PEX5L: variants seen among roughly 807,000 people sequenced by gnomAD.
PEX5L encodes PEX5-related protein.
Under a neutral mutation model 84.0 loss-of-function variants are expected in PEX5L, and 30 were observed. That is an observed-to-expected ratio of 0.36 (90% CI 0.27 to 0.48). The LOEUF (loss-of-function observed/expected upper bound fraction) is 0.48. Ranked by LOEUF, PEX5L falls within the 20% of genes least tolerant of loss-of-function variation. The probability of loss-of-function intolerance (pLI) is 0.99; values close to 1 mark genes in which losing one functional copy is unlikely to be tolerated. For synonymous variants in PEX5L, 270 were observed against 283.1 expected (o/e 0.95, Z 0.46); for missense variants, 533 against 754.6 (o/e 0.71, Z 3.44).
At chr3:179,946,032 G>C (rs1448265183) in intron 2 of PEX5L, among the ~76,000 whole-genome samples, 1 of 132,494 alleles carries the variant, frequency 7.5e-6, no homozygotes, top group Non-Finnish European at 1.6e-5. Context: ...TTTTTTTTTT[G>C]CATCTGAATG....
At chr3:179,942,048 A>C (rs1330996018) in intron 2 of PEX5L, among the ~76,000 whole-genome samples, 1 of 151,504 alleles carries the variant, frequency 6.6e-6, no homozygotes, top group Non-Finnish European at 1.5e-5. Context: ...AAGAAAAGAA[A>C]AGATTATCAG....
Position 179,799,534 on chromosome 3 carries a change from G to A in PEX5L, c.*2294C>T, listed in dbSNP as rs1718237730. On this transcript the variant is annotated 3_prime_UTR_variant, in exon 15 of 15. Transcript: ENST00000467460. ...AATTAATTATTTGACATTTATACTA[G>A]TTTCAGGCTTTAAATCCAGGCTGCA... is the stretch of plus-strand genomic sequence containing the variant. 1 of 152,150 alleles carries A rather than the reference G, an allele frequency of 6.6e-6. No individual in the cohort carries two copies. The highest frequency in any genetic ancestry group is 2.4e-5 in the African/African-American group (1 of 41,436). 9.4% of individuals were successfully genotyped at this position (152,150 alleles called of 1,614,324 possible).
At position 179,796,811 on chromosome 3, in the gene PEX5L, G is replaced by C. The variant is rs1312351818; in HGVS notation, c.*5017C>G. The stretch of plus-strand genomic sequence containing the variant: ...CACTCCCTAAATATCAGTGTTTTTA[G>C]ACCTGTTGATCAAGTCCAGTTTCTC... On this transcript the variant is annotated 3_prime_UTR_variant, in exon 15 of 15. Transcript: ENST00000467460. The C allele has an allele frequency of 6.6e-6, 1 of 152,104 alleles. No individual in the cohort carries two copies. The highest frequency in any genetic ancestry group is 2.4e-5 in the African/African-American group (1 of 41,402). 9.4% of individuals were successfully genotyped at this position (152,104 alleles called of 1,614,324 possible). A position where few individuals can be genotyped will look rare whatever the true frequency, so the allele number is the denominator to read the frequency against.
chr3:179,973,385 T>A (rs750682473), intron 1 of PEX5L: 54 of 1,112,664 alleles, frequency 4.9e-5, no homozygotes, highest in Non-Finnish European at 5.6e-5. Context: ...TTGTCTTGAC[T>A]TTGTAAACAT....
intron 1 of PEX5L, among the ~76,000 whole-genome samples, chr3:179,978,027 C>G (rs540025585): frequency 3.3e-5 from 5 of 152,178 alleles, no homozygotes; most frequent in Admixed American, 6.5e-5. Context: ...ATAAGGACAA[C>G]AAGTATGTTG....
At chr3:179,974,162 C>A in intron 1 of PEX5L, 1 of 985,498 alleles carries the variant, frequency 1.0e-6, no homozygotes. Flanking sequence ...TTTTGTCAAG[C>A]ACAAAAAGCA....
intron 2 of PEX5L, among the ~76,000 whole-genome samples, chr3:179,933,202 T>C (rs1426908768): frequency 5.3e-5 from 8 of 152,130 alleles, no homozygotes; most frequent in Admixed American, 3.9e-4. Context: ...TTAGCACTGA[T>C]GGCTGCTCTG....
intron 8 of PEX5L, 34 bp downstream of exon 8, chr3:179,859,028 T>C: frequency 2.1e-6 from 3 of 1,400,264 alleles, no homozygotes; most frequent in South Asian, 1.2e-5. Context: ...CTCAGGAGCA[T>C]GAAACAGAAA....
chr3:179,896,129 T>G (rs1560587132), intron 3 of PEX5L: 4 of 152,170 alleles, frequency 2.6e-5, no homozygotes. Context: ...TTTTGGTTTG[T>G]GCATGCCACT....
chr3:179,877,846 A>G (rs951355588), intron 5 of PEX5L, among the ~76,000 whole-genome samples: 3 of 151,980 alleles, frequency 2.0e-5, no homozygotes, highest in Non-Finnish European at 4.4e-5. Flanking sequence ...GAAATAGTAG[A>G]GATAGTTATA....
At chr3:179,813,976 A>AT (rs71182520) in intron 10 of PEX5L, among the ~76,000 whole-genome samples, 10,464 of 132,082 alleles carry the variant, frequency 0.079, 443 homozygotes, top group Non-Finnish European at 0.098. Flanking sequence ...GCGCCCGGCC[A>AT]TTTTTTTTTT....
rs113358243 is a variant in PEX5L at position 179,943,704 on chromosome 3, C to T, written c.93+27890G>A. 4.7e-3 allele frequency among the ~76,000 whole-genome samples: 714 copies of T among 152,216 alleles called. 14 individuals carry two copies. Among genetic ancestry groups the T allele is most frequent in the African/African-American group, 0.016 (673 of 41,518 alleles). On this transcript the variant is annotated intron_variant, in intron 2 of 14. Transcript: ENST00000467460. ...CACTAAGCACGTGACATCTGTGGCCCGCTGCTGTCATTATATATGAGAGAG... is the reference window on the plus strand; with the variant it reads ...CACTAAGCACGTGACATCTGTGGCCTGCTGCTGTCATTATATATGAGAGAG...
intron 8 of PEX5L, among the ~76,000 whole-genome samples, chr3:179,843,919 A>G (rs1156996096): frequency 6.6e-6 from 1 of 152,214 alleles, no homozygotes; most frequent in Non-Finnish European, 1.5e-5. Flanking sequence ...AAATGGGTTC[A>G]GGATGGATTA....
intron 1 of PEX5L, among the ~76,000 whole-genome samples, chr3:179,993,648 C>A (rs538246449): frequency 6.6e-6 from 1 of 151,994 alleles, no homozygotes; most frequent in Non-Finnish European, 1.5e-5. Context: ...TACAGGCACA[C>A]ACCACCACAC....
chr3:180,016,977 G>T (rs902647101), intron 1 of PEX5L, among the ~76,000 whole-genome samples: 8 of 151,866 alleles, frequency 5.3e-5, no homozygotes, highest in Admixed American at 1.3e-4. Flanking sequence ...TATGTAAAAA[G>T]AGTGAGTAAT....
At chr3:179,980,164 ATTTTGTTT>A (rs1786189514) in intron 1 of PEX5L, among the ~76,000 whole-genome samples, 1 of 152,138 alleles carries the variant, frequency 6.6e-6, no homozygotes. Flanking sequence ...TGCCTATGAA[ATTTTGTTT>A]CTGACAAGAA....
intron 1 of PEX5L, among the ~76,000 whole-genome samples, chr3:179,981,280 G>A (rs1786306473): frequency 6.6e-6 from 1 of 152,140 alleles, no homozygotes; most frequent in African/African-American, 2.4e-5. Context: ...GCAATGTGGA[G>A]CCATTGCGGG....
At chr3:179,841,210 T>C (rs1055234260) in intron 8 of PEX5L, among the ~76,000 whole-genome samples, 2 of 152,166 alleles carry the variant, frequency 1.3e-5, no homozygotes, top group Admixed American at 1.3e-4. Flanking sequence ...TGCCTGCTTC[T>C]TCAGCTGATC....
chr3:180,023,415 A>G (rs1790595573), intron 1 of PEX5L, among the ~76,000 whole-genome samples: 1 of 152,224 alleles, frequency 6.6e-6, no homozygotes, highest in South Asian at 2.1e-4. Context: ...ATACGGCAGC[A>G]TGCTCCCAAA....
Sources: gnomAD v4.1 joint callset for allele counts (sites outside exome capture counted in the v4.1 genomes callset) on GRCh38, gnomAD v4.1.1 for gene constraint, MANE v1.5 for transcripts, NCBI Gene and HGNC (gene_info 2026-07-23, HGNC 2026-07-21) for gene names.